The following GFOD1 variants were observed in gnomAD, a reference collection of about 807,000 sequenced individuals.
GFOD1 encodes glucose-fructose oxidoreductase domain-containing protein 1.
A neutral mutation model predicts 25.4 loss-of-function variants in GFOD1; 9 were observed. The ratio of observed to expected loss-of-function variants is 0.35; its 90% CI spans 0.21 to 0.62. The LOEUF (loss-of-function observed/expected upper bound fraction) is 0.62. Ranked by LOEUF, GFOD1 falls within the 20% of genes least tolerant of loss-of-function variation. GFOD1 has a pLI of 0.72. For missense variants in GFOD1, 403 were observed against 556.9 expected (o/e 0.72, Z 2.78); for synonymous variants, 253 against 245.6 (o/e 1.03, Z -0.28).
chr6:13,437,083 T>C lies in GFOD1; in HGVS notation c.253+49555A>G, dbSNP rs140552180. On this transcript the variant is annotated intron_variant, in intron 1 of 1. Coordinates refer to ENST00000379287, the MANE Select transcript of GFOD1 (RefSeq NM_018988.4). ...TCAGAGGGAAAGTGTGAGTAAGGTATGAGAAAAAGGGAAAGGCTGACCCAA... is the reference window on the plus strand; with the variant it reads ...TCAGAGGGAAAGTGTGAGTAAGGTACGAGAAAAAGGGAAAGGCTGACCCAA... 3.2e-4 allele frequency among the ~76,000 whole-genome samples: 48 copies of C among 152,220 alleles called. No individual in the cohort carries two copies. In the Middle Eastern group the frequency reaches 0.01, roughly 32 times the overall value.
chr6:13,453,058 T>C (rs2560763), intron 1 of GFOD1, among the ~76,000 whole-genome samples: 66,855 of 152,116 alleles, frequency 0.44, 17,401 homozygotes, highest in Middle Eastern at 0.63. Flanking sequence ...AACTATTGCC[T>C]CACATCAGTT....
intron 1 of GFOD1, among the ~76,000 whole-genome samples, chr6:13,378,683 C>G (rs529877951): frequency 1.3e-5 from 2 of 152,264 alleles, no homozygotes; most frequent in African/African-American, 4.8e-5. Context: ...CTCATCTCAG[C>G]CAAAGGAACC....
chr6:13,409,210 G>GA lies in GFOD1; in HGVS notation c.254-43549_254-43548insT, dbSNP rs1562209619. On this transcript the variant is annotated intron_variant, in intron 1 of 1. Transcript: ENST00000379287. ...GAAAGAAAGAAAGAAAGAGAAAGAA[G>GA]GAAAGAGAGAGAGAGGAAGGAAGGA... is the stretch of plus-strand genomic sequence containing the variant. 5.7e-4 allele frequency among the ~76,000 whole-genome samples: 26 copies of GA among 45,542 alleles called. No individual in the cohort carries two copies. In the South Asian group the frequency reaches 0.015, roughly 26 times the overall value. The allele number at this position is 45,542 out of a possible 152,430, so 29.9% of individuals were successfully genotyped here. A position where few individuals can be genotyped will look rare whatever the true frequency, so the allele number is the denominator to read the frequency against.
Position 13,367,394 on chromosome 6 carries a change from G to A in GFOD1, c.254-1732C>T, listed in dbSNP as rs1033037685. 3.3e-5 allele frequency among the ~76,000 whole-genome samples: 5 copies of A among 152,140 alleles called. No individual in the cohort carries two copies. The East Asian group carries it at 5.8e-4, about 18-fold the overall frequency. On this transcript the variant is annotated intron_variant, in intron 1 of 1. Coordinates refer to ENST00000379287, the MANE Select transcript of GFOD1 (RefSeq NM_018988.4). ...GCTGGCAGTGGTCACAGATGTGTTC[G>A]TTTAACGTTTTTCTTTTCCTACAAA...
intron 1 of GFOD1, among the ~76,000 whole-genome samples, chr6:13,421,382 C>A (rs879913739): frequency 6.6e-6 from 1 of 151,952 alleles, no homozygotes; most frequent in Non-Finnish European, 1.5e-5. Flanking sequence ...TAGTCCCAGC[C>A]ACTCTGGAGG....
intron 1 of GFOD1, among the ~76,000 whole-genome samples, chr6:13,475,719 AAATAATAATAATAATAATAATAAT>A (rs56303574): frequency 1.1e-4 from 15 of 135,578 alleles, no homozygotes; most frequent in East Asian, 8.5e-4. Context: ...CTCCATCTCA[AAATAATAATAATAATAATAATAAT>A]AATAATAATA....
At chr6:13,427,434 C>T (rs895074497) in intron 1 of GFOD1, among the ~76,000 whole-genome samples, 7 of 152,126 alleles carry the variant, frequency 4.6e-5, no homozygotes, top group African/African-American at 9.7e-5. Context: ...CTAAGGCAGG[C>T]GAATCCCTTG....
At chr6:13,485,316 T>C (rs1207584435) in intron 1 of GFOD1, among the ~76,000 whole-genome samples, 1 of 152,264 alleles carries the variant, frequency 6.6e-6, no homozygotes, top group African/African-American at 2.4e-5. Flanking sequence ...TCACCTACCC[T>C]GAATCCATAC....
intron 1 of GFOD1, among the ~76,000 whole-genome samples, chr6:13,468,295 T>G (rs772221130): frequency 1.3e-3 from 194 of 152,264 alleles, no homozygotes; most frequent in Middle Eastern, 6.8e-3. Context: ...ATAAGAAAAT[T>G]TCCTATATTG....
chr6:13,399,835 T>C (rs1307051540), intron 1 of GFOD1, among the ~76,000 whole-genome samples: 2 of 152,228 alleles, frequency 1.3e-5, no homozygotes, highest in East Asian at 1.9e-4. Flanking sequence ...CACAGGTATA[T>C]ACATTTACCA....
At chr6:13,400,935 G>A (rs1390117427) in intron 1 of GFOD1, among the ~76,000 whole-genome samples, 1 of 152,200 alleles carries the variant, frequency 6.6e-6, no homozygotes, top group Non-Finnish European at 1.5e-5. Context: ...TCAAGTACAG[G>A]GGGTGGGGAC....
chr6:13,486,235 TC>T, intron 1 of GFOD1: 1 of 407,290 alleles, frequency 2.5e-6, no homozygotes, highest in Non-Finnish European at 2.9e-6. Flanking sequence ...ACAACCCTCC[TC>T]CACCCCCCCA....
At chr6:13,464,879 TG>T (rs1359536371) in intron 1 of GFOD1, among the ~76,000 whole-genome samples, 11 of 144,168 alleles carry the variant, frequency 7.6e-5, no homozygotes, top group Non-Finnish European at 1.5e-4. Flanking sequence ...TGTGTGTGTG[TG>T]TGTGTGTGTG....
intron 1 of GFOD1, among the ~76,000 whole-genome samples, chr6:13,382,024 T>C (rs527715953): frequency 3.4e-4 from 51 of 151,592 alleles, no homozygotes; most frequent in African/African-American, 1.2e-3. Context: ...TCTCACTGAA[T>C]CCTCCCAAAA....
chr6:13,426,755 C>T (rs550680934), intron 1 of GFOD1, among the ~76,000 whole-genome samples: 1 of 152,302 alleles, frequency 6.6e-6, no homozygotes, highest in Non-Finnish European at 1.5e-5. Flanking sequence ...TGAGCAGAAG[C>T]GGGGCTAACA....
chr6:13,419,418 T>G (rs1328505090), intron 1 of GFOD1, among the ~76,000 whole-genome samples: 1 of 152,122 alleles, frequency 6.6e-6, no homozygotes, highest in Non-Finnish European at 1.5e-5. Flanking sequence ...ATGGGCCACT[T>G]CTCACTCTCC....
In GFOD1 at chr6:13,364,954, T is replaced by C. The variant is rs769664076; in HGVS notation, c.962A>G (p.Asp321Gly). 6.2e-7 allele frequency: 1 copy of C among 1,610,566 alleles called. No individual in the cohort carries two copies. Among genetic ancestry groups the C allele is most frequent in the South Asian group, 1.1e-5 (1 of 91,060 alleles). ...CCGCCCATCCCACGTGCGCCGGTCG[T>C]CCTGGTCCTGGAAGGCCTGGCGCAC... ...QAVRQAFQDQDDRRTWDGRPL... is the reference protein window; with the variant it reads ...QAVRQAFQDQGDRRTWDGRPL... Residue 321 changes from aspartate (D) to glycine (G), a missense_variant, in exon 2 of 2, where the codon GAC becomes GGC. Asp to Gly is a moderately conservative substitution (Grantham distance 94, BLOSUM62 -1). Transcript: ENST00000379287. The surrounding 1 kb of genome is among the most constrained non-coding windows in gnomAD (Gnocchi z 4.1).
intron 1 of GFOD1, among the ~76,000 whole-genome samples, chr6:13,467,372 A>G (rs535742643): frequency 3.3e-5 from 5 of 152,280 alleles, no homozygotes; most frequent in African/African-American, 1.2e-4. Context: ...CACACCGCTA[A>G]TTAGTATGGT....
chr6:13,390,343 C>T (rs1032757526), intron 1 of GFOD1, among the ~76,000 whole-genome samples: 1 of 152,012 alleles, frequency 6.6e-6, no homozygotes, highest in Non-Finnish European at 1.5e-5. Flanking sequence ...GTAATCCCAG[C>T]ACTTTGGGAG....
Sources: allele counts gnomAD v4.1 joint callset (sites outside exome capture counted in the v4.1 genomes callset), GRCh38; gene constraint gnomAD v4.1.1; non-coding constraint Gnocchi (gnomAD v3.1); transcripts MANE v1.5; gene names NCBI Gene and HGNC (gene_info 2026-07-23, HGNC 2026-07-21).